GABRA3: variants seen among roughly 807,000 people sequenced by gnomAD.
GABRA3 encodes the protein gamma-aminobutyric acid type A receptor subunit alpha3.
In GABRA3, 10 loss-of-function variants were observed where a neutral mutation model predicts 30.1. The ratio of observed to expected loss-of-function variants is 0.33; its 90% CI spans 0.20 to 0.56. GABRA3 has a LOEUF of 0.56. Ranked by LOEUF, GABRA3 falls within the 20% of genes least tolerant of loss-of-function variation. GABRA3 has a pLI of 0.89. For synonymous variants in GABRA3, 151 were observed against 146.8 expected (o/e 1.03, Z -0.21); for missense variants, 233 against 392.0 (o/e 0.59, Z 3.42).
intron 1 of GABRA3, among the ~76,000 whole-genome samples, chrX:152,383,980 A>G (rs1929228168): frequency 9.1e-6 from 1 of 109,391 alleles, no homozygotes; most frequent in African/African-American, 3.3e-5. Flanking sequence ...CCACAAAAAA[A>G]AAAAAAAAAA....
At chrX:152,378,124 C>A (rs1331595071) in intron 1 of GABRA3, among the ~76,000 whole-genome samples, 1 of 111,985 alleles carries the variant, frequency 8.9e-6, no homozygotes, top group Non-Finnish European at 1.9e-5. Flanking sequence ...AAACATAAAT[C>A]ATCACTAGAA....
Position 152,255,853 on chromosome X carries a change from G to A in GABRA3, c.476C>T (p.Ser159Leu), listed in dbSNP as rs1162760458. 8.3e-7 allele frequency: 1 copy of A among 1,211,436 alleles called. No homozygotes were observed. Among genetic ancestry groups the A allele is most frequent in the Admixed American group, 2.2e-5 (1 of 46,013 alleles). The change falls in exon 5 of 10, where the codon TCA becomes TTA. Residue 159 changes from serine to leucine, a missense_variant. Around this residue, in one of 6 missense-constraint regions of GABRA3, gnomAD observed 42 missense variants for 116.2 expected, o/e 0.36. Transcript: ENST00000370314. Reference protein sequence around the residue: ...PDTFFHNGKKSVAHNMTTPNK... With the variant: ...PDTFFHNGKKLVAHNMTTPNK... ...GGGCGTGGTCATGTTATGAGCCACTGATTTCTTGCCATTGTGGAAGAAGGT... is the reference window on the plus strand; with the variant it reads ...GGGCGTGGTCATGTTATGAGCCACTAATTTCTTGCCATTGTGGAAGAAGGT...
chrX:152,298,364 T>C (rs979315399), intron 3 of GABRA3, among the ~76,000 whole-genome samples: 1 of 106,983 alleles, frequency 9.3e-6, no homozygotes, highest in African/African-American at 3.5e-5. Flanking sequence ...CCTAATGCTA[T>C]CCCTCCCCCC....
intron 2 of GABRA3, among the ~76,000 whole-genome samples, chrX:152,349,554 G>C (rs771000814): frequency 9.2e-6 from 1 of 109,122 alleles, no homozygotes; most frequent in Non-Finnish European, 1.9e-5. Flanking sequence ...CTGTATTCAG[G>C]AAACCCATCT....
intron 8 of GABRA3, among the ~76,000 whole-genome samples, chrX:152,191,258 T>C (rs1937322592): frequency 1.8e-5 from 2 of 110,723 alleles, no homozygotes; most frequent in African/African-American, 6.6e-5. Context: ...AACAATATTA[T>C]CATAATAATT....
intron 3 of GABRA3, among the ~76,000 whole-genome samples, chrX:152,309,631 G>A (rs1038710851): frequency 1.8e-5 from 2 of 111,778 alleles, no homozygotes; most frequent in African/African-American, 6.5e-5. Context: ...CCTTACAAGA[G>A]GTCCTTAAAG....
At chrX:152,259,450 A>G (rs998593207) in intron 4 of GABRA3, among the ~76,000 whole-genome samples, 21 of 111,554 alleles carry the variant, frequency 1.9e-4, no homozygotes, top group African/African-American at 6.5e-4. Context: ...AAAGCTGCAC[A>G]GCTCGCAGCT....
At chrX:152,300,034 T>C (rs1241578716) in intron 3 of GABRA3, among the ~76,000 whole-genome samples, 1 of 112,023 alleles carries the variant, frequency 8.9e-6, no homozygotes, top group African/African-American at 3.2e-5. Context: ...GTTCTACTAA[T>C]TTCTGTGTTT....
chrX:152,321,285 C>G (rs1939959533), intron 3 of GABRA3, among the ~76,000 whole-genome samples: 1 of 112,062 alleles, frequency 8.9e-6, no homozygotes, highest in South Asian at 3.7e-4. Flanking sequence ...TTTAAATCTT[C>G]TGATTGTCCT....
chrX:152,254,451 C>T (rs1487138998), intron 5 of GABRA3, among the ~76,000 whole-genome samples: 1 of 110,397 alleles, frequency 9.1e-6, no homozygotes, highest in East Asian at 2.8e-4. Flanking sequence ...CTCCAATATA[C>T]ATGCCTCTAT....
rs199579417 is a variant in GABRA3, at chrX:152,364,599, G to A, written c.-26-3C>T. On this transcript the variant is annotated splice_polypyrimidine_tract_variant and splice_region_variant and intron_variant, in intron 1 of 9. Transcript: ENST00000370314. ...CTTAGGCACAAACTTGGAGAGACCTGTGAGATTCACAGTTTAGATAAGGGA... is the reference window on the plus strand; with the variant it reads ...CTTAGGCACAAACTTGGAGAGACCTATGAGATTCACAGTTTAGATAAGGGA... 7.0e-5 allele frequency: 82 copies of A among 1,178,248 alleles called. No individual in the cohort carries two copies. The highest frequency in any genetic ancestry group is 9.4e-5 in the Non-Finnish European group (82 of 872,697).
At chrX:152,207,895 G>T (rs1026763447) in intron 7 of GABRA3, 106 bp downstream of exon 7, 2 of 750,438 alleles carry the variant, frequency 2.7e-6, no homozygotes, top group East Asian at 6.7e-5. Context: ...TACTATCTTT[G>T]TCACAACATT....
intron 1 of GABRA3, among the ~76,000 whole-genome samples, chrX:152,406,800 C>A (rs1040333880): frequency 2.7e-5 from 3 of 110,511 alleles, no homozygotes; most frequent in African/African-American, 9.8e-5. Context: ...CTGGAGAATA[C>A]ACATTCTTCT....
chrX:152,290,912 T>C (rs1210263038), intron 3 of GABRA3, among the ~76,000 whole-genome samples: 3 of 112,155 alleles, frequency 2.7e-5, no homozygotes, highest in Non-Finnish European at 5.6e-5. Context: ...TTTTGGTTAC[T>C]ATAGCTTTGT....
chrX:152,403,424 CTG>C (rs60176805), intron 1 of GABRA3, among the ~76,000 whole-genome samples: 51,803 of 109,158 alleles, frequency 0.47, 10,258 homozygotes, highest in African/African-American at 0.74. Flanking sequence ...TAGAAGAAAA[CTG>C]TAAAACTTTA....
chrX:152,256,024 T>C (rs778450840), intron 4 of GABRA3, 26 bp from the exon 5 acceptor site: 1 of 1,104,419 alleles, frequency 9.1e-7, no homozygotes, highest in Non-Finnish European at 1.3e-6. Flanking sequence ...GAGAAAACAA[T>C]GTTTCAGTTG....
intron 3 of GABRA3, among the ~76,000 whole-genome samples, chrX:152,307,520 G>T (rs1310870606): frequency 9.0e-6 from 1 of 111,564 alleles, no homozygotes; most frequent in Admixed American, 9.5e-5. Flanking sequence ...AATATGGGGA[G>T]ACCAGCCAAT....
chrX:152,270,529 G>A (rs781339366), intron 4 of GABRA3, among the ~76,000 whole-genome samples: 11 of 111,289 alleles, frequency 9.9e-5, no homozygotes, highest in Non-Finnish European at 1.1e-4. Flanking sequence ...CTGGATAACA[G>A]GCAGAAGGTG....
intron 9 of GABRA3, 130 bp from the exon 10 acceptor site, chrX:152,168,693 G>T: frequency 2.1e-6 from 1 of 486,102 alleles, no homozygotes; most frequent in South Asian, 3.2e-5. Context: ...GGGCCATGTA[G>T]CCAATAGCAC....
Sources: allele counts gnomAD v4.1 joint callset (sites outside exome capture counted in the v4.1 genomes callset), GRCh38; gene constraint gnomAD v4.1.1; regional missense constraint gnomAD v4.1.1; transcripts MANE v1.5; gene names NCBI Gene and HGNC (gene_info 2026-07-23, HGNC 2026-07-21).